The following GLIS1 variants were observed in gnomAD, a reference collection of about 807,000 sequenced individuals.
GLIS1 encodes GLIS family zinc finger 1.
GLIS1 carries 24 observed loss-of-function variants against 63.8 expected under a neutral mutation model. The observed-to-expected ratio is 0.38, with a 90% CI of 0.27 to 0.53. GLIS1 has a LOEUF of 0.53. Among genes scored for constraint, GLIS1 ranks in the 20% least tolerant of loss-of-function variants. The pLI, the probability that GLIS1 is intolerant of heterozygous loss-of-function variation, is 0.85. For missense variants in GLIS1, 1,036 were observed against 1,074.1 expected (o/e 0.96, Z 0.50); for synonymous variants, 450 against 482.5 (o/e 0.93, Z 0.88).
In GLIS1 at chr1:53,576,683, A is replaced by G. The variant is rs565128464; in HGVS notation, c.1320+17425T>C. Among the ~76,000 whole-genome samples the G allele has an allele frequency of 1.4e-4, 21 of 152,268 alleles. No homozygotes were observed. The Middle Eastern group carries it at 0.017, about 123-fold the overall frequency. On this transcript the variant is annotated intron_variant, in intron 4 of 10. Transcript: ENST00000628545. ...CCGCCTTCCTGGATTCCAGCTGCTAAGAAGGCAATGACCACAACGTGCACA... is the reference window on the plus strand; with the variant it reads ...CCGCCTTCCTGGATTCCAGCTGCTAGGAAGGCAATGACCACAACGTGCACA...
chr1:53,663,815 G>A (rs910235988), intron 2 of GLIS1, among the ~76,000 whole-genome samples: 1 of 152,224 alleles, frequency 6.6e-6, no homozygotes, highest in African/African-American at 2.4e-5. Context: ...CAGGCCAGCG[G>A]CGGGGCAGCC....
At chr1:53,570,783 C>G (rs1366772414) in intron 4 of GLIS1, among the ~76,000 whole-genome samples, 2 of 152,138 alleles carry the variant, frequency 1.3e-5, no homozygotes, top group Admixed American at 6.5e-5. Flanking sequence ...ACAAATCAAA[C>G]TGGATTCCTA....
chr1:53,669,575 C>G (rs1440719757), intron 2 of GLIS1, among the ~76,000 whole-genome samples: 1 of 152,234 alleles, frequency 6.6e-6, no homozygotes, highest in Non-Finnish European at 1.5e-5. Flanking sequence ...TGAATATCCA[C>G]TCTATGCCAG....
At chr1:53,656,267 C>A (rs78400051) in intron 2 of GLIS1, among the ~76,000 whole-genome samples, 627 of 152,338 alleles carry the variant, frequency 4.1e-3, no homozygotes, top group African/African-American at 0.014. Context: ...CCACTCCACC[C>A]CAGAGGGGAG....
rs985116461 is a variant in GLIS1 at position 53,716,197 on chromosome 1, C to T, written c.259+21609G>A. ...ATACAGACTGGGCTCTTTCAGGGTTCCGTGTGTCTCCTCTAGCACCATTTG... is the reference window on the plus strand; with the variant it reads ...ATACAGACTGGGCTCTTTCAGGGTTTCGTGTGTCTCCTCTAGCACCATTTG... On this transcript the variant is annotated intron_variant, in intron 2 of 10. Transcript: ENST00000628545. 9.9e-5 allele frequency among the ~76,000 whole-genome samples: 15 copies of T among 152,254 alleles called. No individual in the cohort carries two copies. In the East Asian group the frequency reaches 2.1e-3, roughly 22 times the overall value.
chr1:53,537,310 C>T (rs928621661), intron 4 of GLIS1, among the ~76,000 whole-genome samples: 3 of 152,184 alleles, frequency 2.0e-5, no homozygotes, highest in Non-Finnish European at 4.4e-5. Context: ...CATCTGTGGA[C>T]GGGCTAAGAG....
At chr1:53,719,634 G>A (rs1379824611) in intron 2 of GLIS1, among the ~76,000 whole-genome samples, 2 of 152,126 alleles carry the variant, frequency 1.3e-5, no homozygotes, top group African/African-American at 2.4e-5. Flanking sequence ...GAATTGTGAT[G>A]CAACTGGGGC....
At chr1:53,597,785 G>T (rs1276809966) in intron 3 of GLIS1, among the ~76,000 whole-genome samples, 2 of 152,102 alleles carry the variant, frequency 1.3e-5, no homozygotes, top group Admixed American at 1.3e-4. Flanking sequence ...AATAGGGAGG[G>T]TGTGGGGGCA....
intron 2 of GLIS1, among the ~76,000 whole-genome samples, chr1:53,723,314 C>A (rs918727474): frequency 6.6e-6 from 1 of 150,838 alleles, no homozygotes; most frequent in Admixed American, 6.6e-5. Context: ...CAGCTCACTG[C>A]AACCTCTACC....
In GLIS1 at chr1:53,594,965, C is replaced by T; in HGVS notation, c.463G>A (p.Val155Met). ...DRSPRPQATY[V>M]NGSLPTTQHI... ...TGTGTGGTTGGGAGGCTGCCGTTCA[C>T]ATACGTGGCCTGGGGTCTAGGTGAC... Residue 155 changes from valine to methionine, a missense_variant, in exon 4 of 11, where the codon GTG becomes ATG. Physicochemically the swap from Val to Met is conservative, Grantham distance 21. Transcript: ENST00000628545. 4.1e-6 allele frequency: 6 copies of T among 1,449,382 alleles called. No individual in the cohort carries two copies. Among genetic ancestry groups the T allele is most frequent in the Non-Finnish European group, 5.4e-6 (6 of 1,107,294 alleles). The allele number at this position is 1,449,382 out of a possible 1,614,324, so 89.8% of individuals were successfully genotyped here.
intron 7 of GLIS1, among the ~76,000 whole-genome samples, chr1:53,518,670 A>G (rs1644376175): frequency 6.6e-6 from 1 of 152,214 alleles, no homozygotes; most frequent in Non-Finnish European, 1.5e-5. Context: ...CTTCAGCAGG[A>G]GTGGCTCCTC....
chr1:53,632,617 C>T (rs566769208), intron 2 of GLIS1, among the ~76,000 whole-genome samples: 8 of 115,714 alleles, frequency 6.9e-5, no homozygotes, highest in African/African-American at 2.1e-4. Flanking sequence ...ATGAGTGTGA[C>T]GGAGGGGCAT....
At chr1:53,546,726 T>C (rs1163963892) in intron 4 of GLIS1, among the ~76,000 whole-genome samples, 1 of 152,204 alleles carries the variant, frequency 6.6e-6, no homozygotes, top group Non-Finnish European at 1.5e-5. Context: ...GCGGCCATCA[T>C]TCTCTTTCCA....
intron 2 of GLIS1, among the ~76,000 whole-genome samples, chr1:53,714,801 T>C (rs1646681191): frequency 1.3e-5 from 2 of 152,254 alleles, no homozygotes; most frequent in African/African-American, 4.8e-5. Context: ...TGCCACCCAC[T>C]TGGAGTCAGG....
intron 2 of GLIS1, among the ~76,000 whole-genome samples, chr1:53,612,979 C>T (rs998603560): frequency 7.9e-5 from 12 of 152,130 alleles, no homozygotes; most frequent in Non-Finnish European, 1.2e-4. Flanking sequence ...CCACCACGTG[C>T]GGCTAATTTT....
At chr1:53,734,006 C>T (rs1646889048) in intron 2 of GLIS1, 13 of 985,012 alleles carry the variant, frequency 1.3e-5, no homozygotes, top group South Asian at 4.7e-5. Context: ...ACCAAAACAT[C>T]ATGACTTACT....
intron 2 of GLIS1, among the ~76,000 whole-genome samples, chr1:53,660,872 G>A (rs1018092638): frequency 5.3e-5 from 8 of 152,140 alleles, no homozygotes; most frequent in South Asian, 2.1e-4. Flanking sequence ...CCCACCAGCC[G>A]AGCTGACTCT....
intron 2 of GLIS1, among the ~76,000 whole-genome samples, chr1:53,644,242 C>T (rs1215207579): frequency 1.3e-5 from 2 of 152,220 alleles, no homozygotes; most frequent in Non-Finnish European, 2.9e-5. Context: ...GAGCCTCTGA[C>T]GGCCCAGCTA....
Position 53,509,264 on chromosome 1 carries a change from T to C in GLIS1, c.2086A>G (p.Ile696Val). 1 of 1,587,766 alleles carries C rather than the reference T, an allele frequency of 6.3e-7. No homozygotes were observed. Among genetic ancestry groups the C allele is most frequent in the Non-Finnish European group, 8.6e-7 (1 of 1,165,690 alleles). ...PQGYQGSFHS[I>V]QSCFPYGDCY... ...TCGCCATAGGGGAAGCAACTCTGGATGGAGTGGAAACTGCCCTGGTAACCT... is the reference window on the plus strand; with the variant it reads ...TCGCCATAGGGGAAGCAACTCTGGACGGAGTGGAAACTGCCCTGGTAACCT... Residue 696 changes from isoleucine (I) to valine (V), a missense_variant, in exon 10 of 11, where the codon ATC becomes GTC. Ile to Val is a conservative substitution (Grantham distance 29). Around this residue, in one of 3 missense-constraint regions of GLIS1, gnomAD observed 400 missense variants for 400.9 expected, o/e 1.00. Transcript: ENST00000628545.
Sources: gnomAD v4.1 joint callset for allele counts (sites outside exome capture counted in the v4.1 genomes callset) on GRCh38, gnomAD v4.1.1 for gene constraint, gnomAD v4.1.1 regional missense constraint, MANE v1.5 for transcripts, NCBI Gene and HGNC (gene_info 2026-07-23, HGNC 2026-07-21) for gene names.